DENND2A: variants seen among roughly 807,000 people sequenced by gnomAD.
DENND2A encodes DENN domain containing 2A.
A neutral mutation model predicts 105.3 loss-of-function variants in DENND2A; 53 were observed. That is an observed-to-expected ratio of 0.50 (90% CI 0.40 to 0.63). DENND2A has a LOEUF of 0.63. Ranked by LOEUF, DENND2A falls within the 30% of genes least tolerant of loss-of-function variation. The probability of loss-of-function intolerance (pLI) is 0.00; values close to 1 mark genes in which losing one functional copy is unlikely to be tolerated. For synonymous variants in DENND2A, 522 were observed against 508.4 expected, an observed-to-expected ratio of 1.03 and a Z score of -0.36; for missense variants, 1,138 against 1,279.6, an observed-to-expected ratio of 0.89 and a Z score of 1.69.
chr7:140,523,213 C>T lies in DENND2A; in HGVS notation c.2665+94G>A. 8.9e-7 allele frequency: 1 copy of T among 1,123,132 alleles called. No homozygotes were observed. The highest frequency in any genetic ancestry group is 1.4e-6 in the Non-Finnish European group (1 of 738,916). The allele number at this position is 1,123,132 out of a possible 1,614,324, so 69.6% of individuals were successfully genotyped here. On this transcript the variant is annotated intron_variant, in intron 17 of 19. Coordinates refer to ENST00000496613, the MANE Select transcript of DENND2A (RefSeq NM_015689.5). This position sits in a 1 kb window ranked among gnomAD's most constrained non-coding sequence, Gnocchi z 4.5. ...GTTTCTCTCCTTATGTCTCCCTTGC[C>T]CATATTCCTACTTGGCCCTTGGCCA...
At chr7:140,579,536 G>A (rs1798447887) in intron 5 of DENND2A, among the ~76,000 whole-genome samples, 1 of 151,720 alleles carries the variant, frequency 6.6e-6, no homozygotes, top group Non-Finnish European at 1.5e-5. Context: ...GGGATTACAG[G>A]CGCACACCAC....
At chr7:140,557,688 T>C (rs1585626554) in intron 11 of DENND2A, among the ~76,000 whole-genome samples, 2 of 144,992 alleles carry the variant, frequency 1.4e-5, no homozygotes, top group African/African-American at 5.0e-5. Context: ...TACAGGCGCG[T>C]GCCACCATGC....
chr7:140,560,298 G>T (rs751193048), intron 9 of DENND2A, among the ~76,000 whole-genome samples: 2 of 152,152 alleles, frequency 1.3e-5, no homozygotes, highest in African/African-American at 2.4e-5. Flanking sequence ...GACAGTCATT[G>T]AGTGTTGGAA....
Position 140,601,492 on chromosome 7 carries a change from T to C in DENND2A, c.906A>G (p.Leu302=), listed in dbSNP as rs762048904. The change falls in exon 3 of 20, where the codon CTA becomes CTG. Residue 302 remains leucine (L), a synonymous_variant. Transcript: ENST00000496613. ...EKRNLPPLPS[L]PPPPLPSSPP... ...GAGAGGAGGGCAGAGGCGGGGGAGGTAGAGAGGGCAGAGGAGGCAGATTTC... is the reference window on the plus strand; with the variant it reads ...GAGAGGAGGGCAGAGGCGGGGGAGGCAGAGAGGGCAGAGGAGGCAGATTTC... 1 of 1,591,870 alleles carries C rather than the reference T, an allele frequency of 6.3e-7. No individual in the cohort carries two copies. The highest frequency in any genetic ancestry group is 1.4e-5 in the African/African-American group (1 of 73,952).
rs576012600 is a variant in DENND2A, at chr7:140,546,909, T to C, written c.2068A>G (p.Ile690Val). 1.9e-6 allele frequency: 3 copies of C among 1,613,638 alleles called. No homozygotes were observed. Among genetic ancestry groups the C allele is most frequent in the South Asian group, 2.2e-5 (2 of 90,962 alleles). Residue 690 changes from isoleucine (I) to valine (V), a missense_variant, in exon 13 of 20, where the codon ATC (isoleucine) becomes GTC (valine). This residue lies in a region of DENND2A where 627 missense variants were observed against 779.8 expected (regional missense o/e 0.80). Coordinates refer to ENST00000496613, the MANE Select transcript of DENND2A (RefSeq NM_015689.5). ...AGTGGCTGAACCAGGGCAGGAGAGA[T>C]GCCTCGTCTTTTTTCCACCTCATCC... ...ILDEVEKRRG[I>V]SPALVQPLMR...
At chr7:140,551,511 C>G (rs865832715) in intron 12 of DENND2A, among the ~76,000 whole-genome samples, 4 of 152,010 alleles carry the variant, frequency 2.6e-5, no homozygotes, top group Admixed American at 6.6e-5. Flanking sequence ...GCATGGGAGA[C>G]ATGTGGACCA....
At chr7:140,606,837 C>A (rs1382851639) in intron 1 of DENND2A, among the ~76,000 whole-genome samples, 2 of 152,172 alleles carry the variant, frequency 1.3e-5, no homozygotes, top group African/African-American at 2.4e-5. Flanking sequence ...GGTGCCTGGC[C>A]CCCATATAAA....
chr7:140,624,850 TTTTTTTTGTTTTTTTTTG>T (rs1263926296), intron 1 of DENND2A, among the ~76,000 whole-genome samples: 5 of 145,606 alleles, frequency 3.4e-5, no homozygotes, highest in African/African-American at 1.4e-4. Flanking sequence ...TTTTTCTTTG[TTTTTTTTGTTTTTTTTTG>T]TTTTTTTTTT....
chr7:140,613,489 G>A (rs912647129), intron 1 of DENND2A, among the ~76,000 whole-genome samples: 45 of 148,664 alleles, frequency 3.0e-4, no homozygotes, highest in African/African-American at 6.0e-4. Context: ...GCAGCGAGCC[G>A]AGATCACACC....
intron 1 of DENND2A, among the ~76,000 whole-genome samples, chr7:140,628,540 T>C (rs370728846): frequency 4.0e-4 from 59 of 146,798 alleles, no homozygotes; most frequent in African/African-American, 1.1e-3. Flanking sequence ...TTCTTTCTTT[T>C]TTTTTTTTTT....
intron 5 of DENND2A, among the ~76,000 whole-genome samples, chr7:140,584,331 A>G (rs1317356824): frequency 6.6e-6 from 1 of 152,210 alleles, no homozygotes; most frequent in South Asian, 2.1e-4. Context: ...ACTGCCTCAC[A>G]CTACAGTGGC....
chr7:140,612,642 T>C (rs1799942452), intron 1 of DENND2A, among the ~76,000 whole-genome samples: 1 of 151,986 alleles, frequency 6.6e-6, no homozygotes, highest in African/African-American at 2.4e-5. Flanking sequence ...GCTGGAATTA[T>C]GGTCATGTAC....
rs1361114760 is a variant in DENND2A, at chr7:140,601,556, T to C, written c.842A>G (p.Lys281Arg). The C allele has an allele frequency of 6.2e-7, 1 of 1,614,058 alleles. No individual in the cohort carries two copies. The highest frequency in any genetic ancestry group is 1.3e-5 in the African/African-American group (1 of 74,918). ...GAAGCCGATGCCAGGCTTCCCATCT[T>C]TGTCCCCTTCTCCGGCATGTTTGAA... ...RTFKHAGEGD[K>R]DGKPGIGFRK... Residue 281 changes from lysine (K) to arginine (R), a missense_variant, in exon 3 of 20, where the codon AAA (lysine) becomes AGA (arginine). By Grantham distance (26) the Lys-to-Arg change is conservative. Around this residue, in one of 2 missense-constraint regions of DENND2A, gnomAD observed 511 missense variants for 499.9 expected, o/e 1.02. Transcript: ENST00000496613.
intron 19 of DENND2A, 99 bp from the exon 20 acceptor site, chr7:140,518,837 C>G (rs1393066729): frequency 2.9e-6 from 3 of 1,029,494 alleles, no homozygotes; most frequent in Non-Finnish European, 4.5e-6. Flanking sequence ...TAACGGGGCC[C>G]CCACGCCACC....
chr7:140,599,926 G>A (rs1306442211), intron 3 of DENND2A, among the ~76,000 whole-genome samples: 1 of 152,062 alleles, frequency 6.6e-6, no homozygotes, highest in Non-Finnish European at 1.5e-5. Flanking sequence ...TGCTGAGGGA[G>A]GAATGTTCTA....
intron 15 of DENND2A, 141 bp from the exon 16 acceptor site, chr7:140,525,933 TGCCACGGTA>T: frequency 3.4e-6 from 2 of 592,712 alleles, no homozygotes; most frequent in Non-Finnish European, 5.7e-6. Context: ...TTCCTGACAT[TGCCACGGTA>T]GCCACAGGTA....
At chr7:140,575,937 C>T (rs1798281545) in intron 5 of DENND2A, among the ~76,000 whole-genome samples, 1 of 151,414 alleles carries the variant, frequency 6.6e-6, no homozygotes, top group Admixed American at 6.6e-5. Flanking sequence ...CAACTGCACC[C>T]CCGCCTAGGC....
chr7:140,587,805 A>G, intron 3 of DENND2A, 25 bp from the exon 4 acceptor site: 1 of 1,526,718 alleles, frequency 6.5e-7, no homozygotes, highest in Non-Finnish European at 8.8e-7. Context: ...ATGGGAGGAA[A>G]AAACAAAGAA....
Position 140,551,319 on chromosome 7 carries a change from A to G in DENND2A, c.2037+4317T>C, listed in dbSNP as rs1157866704. On this transcript the variant is annotated intron_variant, in intron 12 of 19. Transcript: ENST00000496613. ...CATCTCAAAAAAAAAAAAAAAAAAAAAAAGAAAGGAAAAAGGAAAAGAAAA... is the reference window on the plus strand; with the variant it reads ...CATCTCAAAAAAAAAAAAAAAAAAAGAAAGAAAGGAAAAAGGAAAAGAAAA... Among the ~76,000 whole-genome samples the G allele has an allele frequency of 1.3e-4, 20 of 151,360 alleles. No homozygotes were observed. In the East Asian group the frequency reaches 3.3e-3, roughly 25 times the overall value.
Sources: allele counts gnomAD v4.1 joint callset (sites outside exome capture counted in the v4.1 genomes callset), GRCh38; gene constraint gnomAD v4.1.1; regional missense constraint gnomAD v4.1.1; non-coding constraint Gnocchi (gnomAD v3.1); transcripts MANE v1.5; gene names NCBI Gene and HGNC (gene_info 2026-07-23, HGNC 2026-07-21).